Variants in PTPRT observed in about 807,000 individuals in gnomAD.
The protein encoded by PTPRT is receptor-type tyrosine-protein phosphatase T.
In PTPRT, 56 loss-of-function variants were observed where a neutral mutation model predicts 176.8. The observed-to-expected ratio is 0.32, with a 90% CI of 0.26 to 0.40. The LOEUF (loss-of-function observed/expected upper bound fraction) is 0.40. Among genes scored for constraint, PTPRT ranks in the 10% least tolerant of loss-of-function variants. The pLI is 1.00. For missense variants in PTPRT, 1,540 were observed against 1,908.2 expected, an observed-to-expected ratio of 0.81 and a Z score of 3.60; for synonymous variants, 783 against 739.0, an observed-to-expected ratio of 1.06 and a Z score of -0.96.
chr20:42,687,999 G>A (rs543544677), intron 6 of PTPRT: 3 of 152,318 alleles, frequency 2.0e-5, no homozygotes, highest in African/African-American at 7.2e-5. Context: ...CTAAAGGAGT[G>A]TGCTAGTATT....
chr20:42,905,889 A>T (rs1367635447), intron 1 of PTPRT, among the ~76,000 whole-genome samples: 2 of 130,544 alleles, frequency 1.5e-5, no homozygotes, highest in African/African-American at 5.8e-5. Flanking sequence ...GACACAGAGC[A>T]GGGAACATCA....
intron 16 of PTPRT, among the ~76,000 whole-genome samples, chr20:42,179,580 T>C (rs963300900): frequency 6.6e-6 from 1 of 152,216 alleles, no homozygotes; most frequent in South Asian, 2.1e-4. Context: ...TATAATGTGA[T>C]GAATTTGCTA....
intron 7 of PTPRT, among the ~76,000 whole-genome samples, chr20:42,484,120 A>G (rs1027391536): frequency 3.9e-5 from 6 of 152,032 alleles, no homozygotes; most frequent in African/African-American, 9.7e-5. Flanking sequence ...TAGTGTTTTC[A>G]TGTTCTCTTT....
At chr20:43,178,449 A>C (rs1208493663) in intron 1 of PTPRT, among the ~76,000 whole-genome samples, 2 of 152,124 alleles carry the variant, frequency 1.3e-5, no homozygotes, top group African/African-American at 4.8e-5. Context: ...TCCAATACAC[A>C]CACTTTCTAT....
At chr20:42,419,530 C>T (rs541283184) in intron 9 of PTPRT, among the ~76,000 whole-genome samples, 23 of 152,280 alleles carry the variant, frequency 1.5e-4, no homozygotes, top group Admixed American at 1.4e-3. Flanking sequence ...ATAGTACTTT[C>T]TGGCATGTGG....
At chr20:42,258,717 C>T (rs549425993) in intron 13 of PTPRT, among the ~76,000 whole-genome samples, 6 of 152,274 alleles carry the variant, frequency 3.9e-5, no homozygotes, top group African/African-American at 1.4e-4. Context: ...TTCTAAGTGA[C>T]ATCACCTAGG....
intron 1 of PTPRT, among the ~76,000 whole-genome samples, chr20:42,994,807 A>G (rs1223790106): frequency 1.3e-5 from 2 of 152,212 alleles, no homozygotes; most frequent in East Asian, 3.8e-4. Flanking sequence ...CTCATCTGCT[A>G]TTAGGAAAAC....
At chr20:43,022,948 G>A (rs932522041) in intron 1 of PTPRT, among the ~76,000 whole-genome samples, 4 of 152,188 alleles carry the variant, frequency 2.6e-5, no homozygotes, top group Non-Finnish European at 5.9e-5. Flanking sequence ...GATGCCTGAG[G>A]ACACTAAGAG....
chr20:42,092,930 G>C (rs945828785), intron 27 of PTPRT, among the ~76,000 whole-genome samples: 5 of 152,280 alleles, frequency 3.3e-5, no homozygotes, highest in African/African-American at 1.2e-4. Context: ...TCCACAGTGG[G>C]AGCCCCAGAA....
At chr20:42,525,666 C>T (rs2072255470) in intron 7 of PTPRT, among the ~76,000 whole-genome samples, 1 of 152,204 alleles carries the variant, frequency 6.6e-6, no homozygotes, top group South Asian at 2.1e-4. Flanking sequence ...GTAATTTCCA[C>T]ATTTCCATTT....
At chr20:42,066,670 G>C in the PTPRT span, among the ~76,000 whole-genome samples, 6 of 152,244 alleles carry the variant, frequency 3.9e-5, no homozygotes, top group Non-Finnish European at 8.8e-5. Context: ...TTTCTTCTCT[G>C]ATAGCAGGTC....
At chr20:42,945,786 TCA>T (rs1289127830) in intron 1 of PTPRT, among the ~76,000 whole-genome samples, 1 of 152,002 alleles carries the variant, frequency 6.6e-6, no homozygotes, top group Non-Finnish European at 1.5e-5. Context: ...TTTGGTACAT[TCA>T]CAATGTTGTG....
At chr20:43,146,695 C>A (rs2014181018) in intron 1 of PTPRT, among the ~76,000 whole-genome samples, 1 of 152,160 alleles carries the variant, frequency 6.6e-6, no homozygotes. Flanking sequence ...CTCGGGTCCT[C>A]TCACTTGCAT....
At chr20:42,270,512 A>G in intron 13 of PTPRT, 2 of 1,471,692 alleles carry the variant, frequency 1.4e-6, no homozygotes, top group South Asian at 2.4e-5. Flanking sequence ...AGAAAGAAAC[A>G]CACATGAAAA....
intron 1 of PTPRT, among the ~76,000 whole-genome samples, chr20:42,935,527 CAG>C (rs140214398): frequency 0.019 from 2,885 of 152,210 alleles, 105 homozygotes; most frequent in African/African-American, 0.066. Context: ...TATTCAAAGA[CAG>C]AGATTATTGA....
intron 15 of PTPRT, among the ~76,000 whole-genome samples, chr20:42,220,969 G>A (rs1263783781): frequency 6.6e-6 from 1 of 152,108 alleles, no homozygotes; most frequent in Admixed American, 6.5e-5. Flanking sequence ...TATATTTAAA[G>A]AAATGATACA....
intron 26 of PTPRT, among the ~76,000 whole-genome samples, chr20:42,100,975 C>T (rs538195571): frequency 6.6e-6 from 1 of 152,302 alleles, no homozygotes; most frequent in East Asian, 1.9e-4. Context: ...GCCTCTAACA[C>T]CCAGACCCTT....
chr20:42,088,854 C>G lies in PTPRT; in HGVS notation c.3847-3001G>C, dbSNP rs556881304. Among the ~76,000 whole-genome samples the G allele has an allele frequency of 3.3e-5, 5 of 152,320 alleles. No individual in the cohort carries two copies. The East Asian group carries it at 9.6e-4, about 29-fold the overall frequency. On this transcript the variant is annotated intron_variant, in intron 27 of 30. Coordinates refer to ENST00000373187, the MANE Select transcript of PTPRT (RefSeq NM_007050.6). The stretch of plus-strand genomic sequence containing the variant: ...AGGACATAATTCATGTAAATAAACC[C>G]TTACCACAGTGCCAGGCATGGAATA...
At chr20:42,255,841 C>T (rs112590499) in intron 13 of PTPRT, among the ~76,000 whole-genome samples, 6,026 of 152,198 alleles carry the variant, frequency 0.04, 378 homozygotes, top group African/African-American at 0.14. Flanking sequence ...TCATTGCTGA[C>T]GATAAAGAAA....
Sources: gnomAD v4.1 joint callset for allele counts (sites outside exome capture counted in the v4.1 genomes callset) on GRCh38, gnomAD v4.1.1 for gene constraint, MANE v1.5 for transcripts, NCBI Gene and HGNC (gene_info 2026-07-23, HGNC 2026-07-21) for gene names.